SATL1: variants seen among roughly 807,000 people sequenced by gnomAD.
The protein encoded by SATL1 is spermidine/spermine N(1)-acetyltransferase-like protein 1.
SATL1 carries 47 observed loss-of-function variants against 51.8 expected under a neutral mutation model. That is an observed-to-expected ratio of 0.91 (90% CI 0.72 to 1.16). The LOEUF is 1.16. Among genes scored for constraint, SATL1 ranks in the 50% most tolerant of loss-of-function variants. The pLI is 0.00. For missense variants in SATL1, 520 were observed against 526.4 expected (o/e 0.99, Z 0.12); for synonymous variants, 176 against 182.4 (o/e 0.97, Z 0.28).
intron 1 of SATL1, among the ~76,000 whole-genome samples, chrX:85,234,045 A>G (rs1430455235): frequency 1.8e-5 from 2 of 111,734 alleles, no homozygotes; most frequent in Non-Finnish European, 3.8e-5. Flanking sequence ...TACTAAACAC[A>G]GCAAGATAAA....
At chrX:85,098,335 A>C (rs1233207701) in intron 4 of SATL1, among the ~76,000 whole-genome samples, 2 of 111,436 alleles carry the variant, frequency 1.8e-5, no homozygotes, top group East Asian at 5.6e-4. Flanking sequence ...TGAAGCAAAC[A>C]CTGACAGAAC....
At chrX:85,230,476 G>T (rs1283887434) in intron 1 of SATL1, among the ~76,000 whole-genome samples, 2 of 111,883 alleles carry the variant, frequency 1.8e-5, no homozygotes, top group African/African-American at 6.5e-5. Context: ...AAATGCCTAT[G>T]AGAAAAGCTT....
intron 1 of SATL1, among the ~76,000 whole-genome samples, chrX:85,241,450 A>C (rs774681816): frequency 8.9e-6 from 1 of 112,225 alleles, no homozygotes; most frequent in South Asian, 3.7e-4. Context: ...ATTTTAAAAT[A>C]AAATAGAAAA....
intron 2 of SATL1, chrX:85,156,242 A>G (rs1926583620): frequency 8.9e-6 from 1 of 111,769 alleles, no homozygotes; most frequent in African/African-American, 3.2e-5. Flanking sequence ...GTCGCAAAAC[A>G]GTTTATCAAA....
intron 2 of SATL1, among the ~76,000 whole-genome samples, chrX:85,125,028 TTCTC>T (rs201303902): frequency 0.024 from 2,638 of 110,444 alleles, 90 homozygotes; most frequent in African/African-American, 0.083. Flanking sequence ...CCCGGGCAGT[TTCTC>T]TCTCACTCAA....
At chrX:85,177,134 A>G (rs1014976972) in intron 2 of SATL1, among the ~76,000 whole-genome samples, 2 of 111,803 alleles carry the variant, frequency 1.8e-5, no homozygotes, top group Non-Finnish European at 3.8e-5. Context: ...AGAGTTGAAG[A>G]GACTAAGGAG....
intron 2 of SATL1, among the ~76,000 whole-genome samples, chrX:85,145,374 C>T (rs964945820): frequency 1.4e-4 from 16 of 111,577 alleles, no homozygotes; most frequent in African/African-American, 3.9e-4. Flanking sequence ...GATTACCTAT[C>T]AAATAACTGG....
intron 2 of SATL1, chrX:85,209,702 G>T (rs185496162): frequency 9.1e-6 from 1 of 110,449 alleles, no homozygotes; most frequent in East Asian, 2.9e-4. Flanking sequence ...ATTTTTTATT[G>T]TGTCTATTTG....
intron 2 of SATL1, among the ~76,000 whole-genome samples, chrX:85,113,623 T>C (rs914042433): frequency 8.9e-6 from 1 of 112,139 alleles, no homozygotes; most frequent in South Asian, 3.7e-4. Flanking sequence ...AGTCCTCATT[T>C]GTATTAAAAA....
chrX:85,107,610 T>A lies in SATL1; in HGVS notation c.1359A>T (p.Gln453His). ...QPGMSQQVPSQLGMRQPGTSQ... is the reference protein window; with the variant it reads ...QPGMSQQVPSHLGMRQPGTSQ... ...TAGTGCCTGGTTGTCTCATGCCTAG[T>A]TGGCTGGGGACTTGCTGGCTCATGC... Residue 453 changes from glutamine to histidine, a missense_variant, in exon 3 of 8, where the codon CAA (glutamine) becomes CAT (histidine). Gln to His is a conservative substitution (Grantham distance 24). This residue lies in a region of SATL1 where 488 missense variants were observed against 474.3 expected (regional missense o/e 1.03). Transcript: ENST00000644105. 8.2e-7 allele frequency: 1 copy of A among 1,212,443 alleles called. No individual in the cohort carries two copies. Among genetic ancestry groups the A allele is most frequent in the Non-Finnish European group, 1.1e-6 (1 of 895,665 alleles).
chrX:85,156,460 G>A (rs1023735730), intron 2 of SATL1: 13 of 110,664 alleles, frequency 1.2e-4, no homozygotes, highest in Non-Finnish European at 2.1e-4. Flanking sequence ...TTTACAGAAG[G>A]CACCATAAAC....
chrX:85,144,012 A>T (rs759964728), intron 2 of SATL1, among the ~76,000 whole-genome samples: 37 of 112,314 alleles, frequency 3.3e-4, no homozygotes, highest in African/African-American at 1.2e-3. Flanking sequence ...TCTATGAAAC[A>T]GCATAAAATC....
intron 2 of SATL1, among the ~76,000 whole-genome samples, chrX:85,197,501 TTTA>T (rs1927593027): frequency 9.1e-6 from 1 of 110,472 alleles, no homozygotes; most frequent in East Asian, 2.8e-4. Context: ...TTTATTTTAC[TTTA>T]TTATTATTGT....
intron 1 of SATL1, among the ~76,000 whole-genome samples, chrX:85,240,110 GA>G (rs1489216047): frequency 9.0e-6 from 1 of 111,215 alleles, no homozygotes; most frequent in Non-Finnish European, 1.9e-5. Flanking sequence ...TTTAAACTCT[GA>G]AAACTCAATA....
chrX:85,198,486 G>A (rs1927621879), intron 2 of SATL1, among the ~76,000 whole-genome samples: 1 of 111,690 alleles, frequency 9.0e-6, no homozygotes, highest in South Asian at 3.7e-4. Context: ...ATCTTCGTCA[G>A]CATTTGCCTG....
intron 2 of SATL1, among the ~76,000 whole-genome samples, chrX:85,157,050 T>C (rs1249633386): frequency 9.3e-6 from 1 of 107,206 alleles, no homozygotes; most frequent in Admixed American, 1.0e-4. Context: ...GCTTTTATTG[T>C]TTTAAATCGA....
chrX:85,095,622 C>G (rs892910022), intron 4 of SATL1, among the ~76,000 whole-genome samples: 1 of 106,974 alleles, frequency 9.3e-6, no homozygotes, highest in Non-Finnish European at 1.9e-5. Context: ...GTCAGGAGAT[C>G]GAGACCATCC....
At chrX:85,195,411 T>A (rs1051813096) in intron 2 of SATL1, among the ~76,000 whole-genome samples, 1 of 111,635 alleles carries the variant, frequency 9.0e-6, no homozygotes, top group African/African-American at 3.3e-5. Context: ...CAAAATAGTG[T>A]TATTCATGGA....
At chrX:85,186,252 T>C (rs1486118603) in intron 2 of SATL1, among the ~76,000 whole-genome samples, 1 of 106,203 alleles carries the variant, frequency 9.4e-6, no homozygotes, top group Non-Finnish European at 1.9e-5. Context: ...CCCTGTCCTC[T>C]CCTCAAGCAG....
Sources: allele counts gnomAD v4.1 joint callset (sites outside exome capture counted in the v4.1 genomes callset), GRCh38; gene constraint gnomAD v4.1.1; regional missense constraint gnomAD v4.1.1; transcripts MANE v1.5; gene names NCBI Gene and HGNC (gene_info 2026-07-23, HGNC 2026-07-21).